The following DGKA variants were observed in gnomAD, a reference collection of about 807,000 sequenced individuals.
DGKA encodes diacylglycerol kinase alpha.
A neutral mutation model predicts 105.0 loss-of-function variants in DGKA; 35 were observed. The observed-to-expected ratio is 0.33, with a 90% confidence interval of 0.25 to 0.44. DGKA has a LOEUF of 0.44. Ranked by LOEUF, DGKA falls within the 20% of genes least tolerant of loss-of-function variation. The probability of loss-of-function intolerance (pLI) is 1.00; values close to 1 mark genes in which losing one functional copy is unlikely to be tolerated. For missense variants in DGKA, 665 were observed against 915.0 expected, an observed-to-expected ratio of 0.73 and a Z score of 3.53; for synonymous variants, 296 against 332.0, an observed-to-expected ratio of 0.89 and a Z score of 1.18.
rs766250453 is a variant in DGKA at position 55,936,465 on chromosome 12, G to A, written c.-39G>A. 58 of 1,609,040 alleles carry A rather than the reference G, an allele frequency of 3.6e-5. No homozygotes were observed. Among genetic ancestry groups the A allele is most frequent in the Middle Eastern group, 1.7e-4 (1 of 6,024 alleles). ...GTCCAAGCAACGGAAGTACTACTAC[G>A]AAGCTGCCTTTCTGGCCATCCTTGA... On this transcript the variant is annotated 5_prime_UTR_variant, in exon 2 of 24. Coordinates refer to ENST00000331886, the MANE Select transcript of DGKA (RefSeq NM_001345.5).
chr12:55,935,347 T>A (rs914191532), intron 1 of DGKA: 7 of 152,220 alleles, frequency 4.6e-5, no homozygotes, highest in African/African-American at 1.7e-4. Context: ...GAGCTAAGAA[T>A]GGGACCCAGA....
chr12:55,941,572 G>C lies in DGKA; in HGVS notation c.1238G>C (p.Gly413Ala), dbSNP rs1287891377. ...PRQVFNLLKD[G>A]PEIGLRLFKD... ...CAGGTGTTCAACCTCCTAAAGGATG[G>C]TCCTGAGATAGGGTGAGCACAGGTT... The change falls in exon 15 of 24, where the codon GGT becomes GCT. Residue 413 changes from glycine (G) to alanine (A), a missense_variant. Physicochemically the swap from Gly to Ala is moderately conservative, Grantham distance 60 (BLOSUM62 0). Transcript: ENST00000331886. 1 of 1,614,138 alleles carries C rather than the reference G, an allele frequency of 6.2e-7. No individual in the cohort carries two copies. The highest frequency in any genetic ancestry group is 2.2e-5 in the East Asian group (1 of 44,884).
chr12:55,929,193 AGTGTT>A (rs1883258957), upstream of DGKA: 1 of 152,258 alleles, frequency 6.6e-6, no homozygotes, highest in Non-Finnish European at 1.5e-5. Flanking sequence ...TGTTATTGCA[AGTGTT>A]GTGACACTGT....
upstream of DGKA, chr12:55,930,358 T>TA (rs1491404538): frequency 6.8e-5 from 1 of 14,636 alleles, no homozygotes; most frequent in Non-Finnish European, 1.8e-4. Context: ...AAGGGCCTTG[T>TA]TTTTTTTTTT....
chr12:55,939,177 T>C lies in DGKA; in HGVS notation c.475-9T>C. The C allele has an allele frequency of 6.2e-7, 1 of 1,613,610 alleles. No homozygotes were observed. Among genetic ancestry groups the C allele is most frequent in the Non-Finnish European group, 8.5e-7 (1 of 1,179,692 alleles). Reference sequence around the variant, plus strand: ...TCATACTGAAAGTCCCTTTCCACTCTGTGCTCAGATTCTTCAGGAGATGAT... The same window carrying C: ...TCATACTGAAAGTCCCTTTCCACTCCGTGCTCAGATTCTTCAGGAGATGAT... On this transcript the variant is annotated splice_polypyrimidine_tract_variant and intron_variant, in intron 7 of 23. Coordinates refer to ENST00000331886, the MANE Select transcript of DGKA (RefSeq NM_001345.5).
chr12:55,947,611 A>G (rs1887300521), intron 17 of DGKA, among the ~76,000 whole-genome samples: 1 of 152,230 alleles, frequency 6.6e-6, no homozygotes, highest in South Asian at 2.1e-4. Flanking sequence ...TGAATGTGTA[A>G]TCATTTATAA....
chr12:55,945,256 G>T (rs1224015898), intron 17 of DGKA, among the ~76,000 whole-genome samples: 2 of 152,202 alleles, frequency 1.3e-5, no homozygotes, highest in Non-Finnish European at 1.5e-5. Flanking sequence ...ATACATGTTT[G>T]AGAGTCATCT....
chr12:55,936,463 A>AT lies in DGKA; in HGVS notation c.-41_-40insT, dbSNP rs1214657152. On this transcript the variant is annotated 5_prime_UTR_variant, in exon 2 of 24. Transcript: ENST00000331886. ...AGGTCCAAGCAACGGAAGTACTACT[A>AT]CGAAGCTGCCTTTCTGGCCATCCTT... 12 of 1,608,442 alleles carry AT rather than the reference A, an allele frequency of 7.5e-6. No individual in the cohort carries two copies. The highest frequency in any genetic ancestry group is 1.3e-5 in the African/African-American group (1 of 74,822).
At position 55,941,247 on chromosome 12, in the gene DGKA, T is replaced by A. The variant is rs1168064213; in HGVS notation, c.1102-5T>A. On this transcript the variant is annotated splice_polypyrimidine_tract_variant and splice_region_variant and intron_variant, in intron 13 of 23. Coordinates refer to ENST00000331886, the MANE Select transcript of DGKA (RefSeq NM_001345.5). ...CTTTGTCCTTATTTTCTTCCCCCAA[T>A]GCAGATTGACCCTGTTCCTAACACC... 6.2e-7 allele frequency: 1 copy of A among 1,610,390 alleles called. No individual in the cohort carries two copies. Among genetic ancestry groups the A allele is most frequent in the Non-Finnish European group, 8.5e-7 (1 of 1,177,026 alleles).
intron 17 of DGKA, among the ~76,000 whole-genome samples, chr12:55,942,834 T>C (rs1358534462): frequency 6.6e-6 from 1 of 152,014 alleles, no homozygotes; most frequent in Non-Finnish European, 1.5e-5. Context: ...TTGAGGTTAT[T>C]GGGTTCAGGG....
At chr12:55,931,839 G>T (rs1019497023) in intron 1 of DGKA, 1 of 152,492 alleles carries the variant, frequency 6.6e-6, no homozygotes, top group African/African-American at 2.4e-5. Context: ...CGCAGCAAAT[G>T]GAGAAAATGT....
intron 17 of DGKA, among the ~76,000 whole-genome samples, chr12:55,948,761 C>A (rs1170908356): frequency 2.6e-5 from 4 of 151,770 alleles, no homozygotes; most frequent in Non-Finnish European, 5.9e-5. Flanking sequence ...CAGTGGCTCA[C>A]GCCTGTAATC....
chr12:55,942,084 G>A lies in DGKA; in HGVS notation c.1336+1G>A. On this transcript the variant is annotated splice_donor_variant, in intron 16 of 23. Coordinates refer to ENST00000331886, the MANE Select transcript of DGKA (RefSeq NM_001345.5). LOFTEE classifies it high-confidence loss of function. Reference sequence around the variant, plus strand: ...GTAGGCTGGATTCTAGAGACCATTGGTCAGTGCAGGGAGGGGCGTGGGGAA... The same window carrying A: ...GTAGGCTGGATTCTAGAGACCATTGATCAGTGCAGGGAGGGGCGTGGGGAA... 6.2e-7 allele frequency: 1 copy of A among 1,614,136 alleles called. No individual in the cohort carries two copies. Among genetic ancestry groups the A allele is most frequent in the Non-Finnish European group, 8.5e-7 (1 of 1,179,988 alleles).
intron 17 of DGKA, among the ~76,000 whole-genome samples, chr12:55,945,019 C>G (rs1030638306): frequency 2.0e-5 from 3 of 152,114 alleles, no homozygotes; most frequent in Admixed American, 6.6e-5. Context: ...AGGCTGGTCT[C>G]GAGCTCCTGA....
rs1414927997 is a variant in DGKA at position 55,953,160 on chromosome 12, A to G, written c.2063A>G (p.His688Arg). 2 of 1,614,100 alleles carry G rather than the reference A, an allele frequency of 1.2e-6. No individual in the cohort carries two copies. The highest frequency in any genetic ancestry group is 1.7e-5 in the Admixed American group (1 of 60,010). Reference protein sequence around the residue: ...RLAKCSEITFHTTKTLPMQID... With the variant: ...RLAKCSEITFRTTKTLPMQID... ...GCCAAGTGCTCTGAGATCACCTTCC[A>G]GTAAGGAAGACTCCACCAGGGTCCC... Residue 688 changes from histidine (H) to arginine (R), a missense_variant and splice_region_variant, in exon 22 of 24, where the codon CAC becomes CGC. His to Arg is a conservative substitution (Grantham distance 29). Around this residue, in one of 3 missense-constraint regions of DGKA, gnomAD observed 158 missense variants for 213.4 expected, o/e 0.74. Coordinates refer to ENST00000331886, the MANE Select transcript of DGKA (RefSeq NM_001345.5).
chr12:55,933,810 T>C (rs759441354), intron 1 of DGKA, among the ~76,000 whole-genome samples: 1 of 152,214 alleles, frequency 6.6e-6, no homozygotes, highest in Non-Finnish European at 1.5e-5. Context: ...GCCTTCCTGG[T>C]TCAAAGACAT....
At position 55,947,112 on chromosome 12, in the gene DGKA, A is replaced by G. The variant is rs540025148; in HGVS notation, c.1427-4511A>G. On this transcript the variant is annotated intron_variant, in intron 17 of 23. Coordinates refer to ENST00000331886, the MANE Select transcript of DGKA (RefSeq NM_001345.5). Reference sequence around the variant, plus strand: ...GCGATTCTCCTGCCTCAGCCTCCCGAGTAGCTGGAATTACAGGCATGTGCC... The same window carrying G: ...GCGATTCTCCTGCCTCAGCCTCCCGGGTAGCTGGAATTACAGGCATGTGCC... 2.0e-5 allele frequency among the ~76,000 whole-genome samples: 3 copies of G among 150,228 alleles called. No individual in the cohort carries two copies. The East Asian group carries it at 5.9e-4, about 30-fold the overall frequency.
chr12:55,949,355 T>G (rs1054287011), intron 17 of DGKA, among the ~76,000 whole-genome samples: 5 of 152,130 alleles, frequency 3.3e-5, no homozygotes, highest in Non-Finnish European at 7.4e-5. Context: ...CCCACCACCA[T>G]GCCCAGCTAA....
intron 17 of DGKA, among the ~76,000 whole-genome samples, chr12:55,945,766 A>C (rs1444305310): frequency 6.6e-6 from 1 of 151,744 alleles, no homozygotes; most frequent in East Asian, 1.9e-4. Context: ...CAGATGATCC[A>C]GTATGATCCC....
Sources: gnomAD v4.1 joint callset for allele counts (sites outside exome capture counted in the v4.1 genomes callset) on GRCh38, gnomAD v4.1.1 for gene constraint, gnomAD v4.1.1 regional missense constraint, MANE v1.5 for transcripts, NCBI Gene and HGNC (gene_info 2026-07-23, HGNC 2026-07-21) for gene names.